The following SCLT1 variants were observed in gnomAD, a reference collection of about 807,000 sequenced individuals.
SCLT1 encodes sodium channel-associated protein 1.
A neutral mutation model predicts 112.8 loss-of-function variants in SCLT1; 78 were observed. That is an observed-to-expected ratio of 0.69 (90% confidence interval 0.58 to 0.83). SCLT1 has a LOEUF of 0.83. Among genes scored for constraint, SCLT1 ranks in the 40% least tolerant of loss-of-function variants. The probability of loss-of-function intolerance (pLI) is 0.00; values close to 1 mark genes in which losing one functional copy is unlikely to be tolerated. For missense variants in SCLT1, 747 were observed against 770.4 expected (o/e 0.97, Z 0.36); for synonymous variants, 257 against 254.7 (o/e 1.01, Z -0.09).
chr4:129,074,039 A>G (rs1453253301), intron 2 of SCLT1, among the ~76,000 whole-genome samples: 1 of 152,186 alleles, frequency 6.6e-6, no homozygotes, highest in Non-Finnish European at 1.5e-5. Context: ...CATTTTCAAG[A>G]AACTTTTCCT....
chr4:129,076,630 C>T (rs942074399), intron 2 of SCLT1, among the ~76,000 whole-genome samples: 12 of 150,056 alleles, frequency 8.0e-5, no homozygotes, highest in African/African-American at 2.7e-4. Context: ...ACCGGTGTGG[C>T]GTAGATAACA....
At chr4:128,903,476 G>A (rs1187155522) in intron 18 of SCLT1, among the ~76,000 whole-genome samples, 1 of 151,962 alleles carries the variant, frequency 6.6e-6, no homozygotes, top group Non-Finnish European at 1.5e-5. Context: ...AGAAAACATA[G>A]TAGTTAGAAA....
rs1181997007 is a variant in SCLT1 at position 129,092,244 on chromosome 4, C to G, written c.34+826G>C. 2.0e-5 allele frequency among the ~76,000 whole-genome samples: 3 copies of G among 152,198 alleles called. No individual in the cohort carries two copies. In the East Asian group the frequency reaches 5.8e-4, roughly 29 times the overall value. On this transcript the variant is annotated intron_variant, in intron 1 of 20. Transcript: ENST00000281142. ...GCCCCTTTCTACGCCTTCAACTGCA[C>G]TTGCCATTTCCCTATATAAATATTC... is the stretch of plus-strand genomic sequence containing the variant.
At chr4:128,978,264 A>T (rs749312636) in intron 9 of SCLT1, among the ~76,000 whole-genome samples, 2 of 152,164 alleles carry the variant, frequency 1.3e-5, no homozygotes, top group Non-Finnish European at 2.9e-5. Flanking sequence ...CAACAAAGCA[A>T]TCAAGGTCAG....
At chr4:128,957,884 G>T (rs971101298) in intron 12 of SCLT1, among the ~76,000 whole-genome samples, 1 of 151,992 alleles carries the variant, frequency 6.6e-6, no homozygotes, top group African/African-American at 2.4e-5. Flanking sequence ...ACACAGTACC[G>T]GTTTTCCTCC....
In SCLT1 at chr4:129,003,841, T is replaced by A. The variant is rs754073526; in HGVS notation, c.326A>T (p.Lys109Ile). 3.1e-6 allele frequency: 5 copies of A among 1,612,512 alleles called. No homozygotes were observed. Among genetic ancestry groups the A allele is most frequent in the Non-Finnish European group, 4.2e-6 (5 of 1,179,150 alleles). Residue 109 changes from lysine to isoleucine, a missense_variant, in exon 6 of 21, where the codon AAA becomes ATA. By Grantham distance (102) the Lys-to-Ile change is moderately radical (BLOSUM62 -3). Around this residue, in one of 2 missense-constraint regions of SCLT1, gnomAD observed 723 missense variants for 721.3 expected, o/e 1.00. Coordinates refer to ENST00000281142, the MANE Select transcript of SCLT1 (RefSeq NM_144643.4). ...TGTGCCCAGGGGAAAGGCCTCCAAT[T>A]TTTTTTCAACAGCATCTTTTAATTC... The part of the protein sequence containing the change: ...HSELKDAVEK[K>I]LEAFPLGTEV...
intron 2 of SCLT1, among the ~76,000 whole-genome samples, chr4:129,066,234 A>C (rs1325821074): frequency 1.3e-5 from 2 of 152,080 alleles, no homozygotes; most frequent in Admixed American, 1.3e-4. Context: ...CCCACAATTT[A>C]AAGTTTACTA....
chr4:128,978,452 C>A (rs71612198), intron 9 of SCLT1, among the ~76,000 whole-genome samples: 5,443 of 149,856 alleles, frequency 0.036, 105 homozygotes, highest in East Asian at 0.061. Flanking sequence ...CAAAACAAAA[C>A]AAAAAAACAA....
At chr4:129,024,466 C>G (rs966730773) in intron 5 of SCLT1, among the ~76,000 whole-genome samples, 4 of 152,212 alleles carry the variant, frequency 2.6e-5, no homozygotes, top group African/African-American at 9.7e-5. Context: ...TAGGAAACTC[C>G]AACAGACCTG....
At chr4:129,036,356 T>TG (rs1747180740) in intron 5 of SCLT1, among the ~76,000 whole-genome samples, 3 of 152,028 alleles carry the variant, frequency 2.0e-5, no homozygotes, top group Non-Finnish European at 4.4e-5. Context: ...AAGTCCAATA[T>TG]AGGAAACAAT....
intron 2 of SCLT1, among the ~76,000 whole-genome samples, chr4:129,069,512 T>C (rs1252459241): frequency 6.6e-6 from 1 of 151,526 alleles, no homozygotes; most frequent in African/African-American, 2.4e-5. Context: ...ATTTTATTTA[T>C]TTTTGCAGCT....
chr4:128,934,418 G>T (rs189042281), intron 18 of SCLT1, among the ~76,000 whole-genome samples: 3 of 151,862 alleles, frequency 2.0e-5, no homozygotes, highest in Admixed American at 2.0e-4. Flanking sequence ...TTCTAACTGG[G>T]ATTACAGTGA....
At chr4:129,036,867 G>C (rs1747223291) in intron 5 of SCLT1, 1 of 151,360 alleles carries the variant, frequency 6.6e-6, no homozygotes, top group African/African-American at 2.4e-5. Context: ...ACAAATAAAA[G>C]AATGTCAAAC....
chr4:128,879,308 A>G (rs1186541724), downstream of SCLT1, among the ~76,000 whole-genome samples: 2 of 152,204 alleles, frequency 1.3e-5, no homozygotes, highest in African/African-American at 2.4e-5. Context: ...GAATGTGTGA[A>G]GCATTTACAT....
chr4:129,061,839 C>T (rs1403987191), intron 2 of SCLT1, among the ~76,000 whole-genome samples: 1 of 152,190 alleles, frequency 6.6e-6, no homozygotes, highest in East Asian at 1.9e-4. Flanking sequence ...GCAAGGCACA[C>T]TCCAATTGCA....
intron 12 of SCLT1, among the ~76,000 whole-genome samples, chr4:128,958,893 C>T (rs1739438790): frequency 6.6e-6 from 1 of 152,120 alleles, no homozygotes; most frequent in African/African-American, 2.4e-5. Flanking sequence ...GAAAAATCCT[C>T]TGTAAAAAGG....
chr4:128,992,077 A>C, intron 9 of SCLT1, 90 bp downstream of exon 9: 1 of 786,658 alleles, frequency 1.3e-6, no homozygotes, highest in Non-Finnish European at 2.1e-6. Context: ...GGAAGGCAAA[A>C]AAACACCCAT....
At chr4:128,885,681 G>A (rs568984430) in intron 20 of SCLT1, among the ~76,000 whole-genome samples, 2 of 152,324 alleles carry the variant, frequency 1.3e-5, no homozygotes, top group African/African-American at 4.8e-5. Context: ...CCAGGTGCAA[G>A]TGTGGGTCAA....
At chr4:129,062,332 A>C (rs911972001) in intron 2 of SCLT1, among the ~76,000 whole-genome samples, 10 of 152,048 alleles carry the variant, frequency 6.6e-5, no homozygotes, top group Admixed American at 5.9e-4. Flanking sequence ...TGTTCTGGCT[A>C]TCTTTGTGAG....
Sources: allele counts gnomAD v4.1 joint callset (sites outside exome capture counted in the v4.1 genomes callset), GRCh38; gene constraint gnomAD v4.1.1; regional missense constraint gnomAD v4.1.1; transcripts MANE v1.5; gene names NCBI Gene and HGNC (gene_info 2026-07-23, HGNC 2026-07-21).